Variants in KLHL7 observed in about 807,000 individuals in gnomAD.
The protein encoded by KLHL7 is kelch-like protein 7.
Under a neutral mutation model 67.4 loss-of-function variants are expected in KLHL7, and 44 were observed. That is an observed-to-expected ratio of 0.65 (90% CI 0.51 to 0.84). The LOEUF (loss-of-function observed/expected upper bound fraction) is 0.84. Ranked by LOEUF, KLHL7 falls within the 40% of genes least tolerant of loss-of-function variation. The probability of loss-of-function intolerance (pLI) is 0.00; values close to 1 mark genes in which losing one functional copy is unlikely to be tolerated. For synonymous variants in KLHL7, 252 were observed against 243.3 expected, an observed-to-expected ratio of 1.04 and a Z score of -0.33; for missense variants, 362 against 718.1, an observed-to-expected ratio of 0.50 and a Z score of 5.67.
chr7:23,118,125 C>T (rs770550201), intron 1 of KLHL7, among the ~76,000 whole-genome samples: 1 of 152,196 alleles, frequency 6.6e-6, no homozygotes, highest in Non-Finnish European at 1.5e-5. Flanking sequence ...GTAATCCTGT[C>T]GAGTAAACTT....
intron 1 of KLHL7, among the ~76,000 whole-genome samples, chr7:23,113,307 A>C (rs560909760): frequency 7.2e-5 from 11 of 152,340 alleles, no homozygotes; most frequent in African/African-American, 2.6e-4. Flanking sequence ...CTAGCCTTCA[A>C]AGCCCTGTCT....
intron 6 of KLHL7, among the ~76,000 whole-genome samples, chr7:23,147,591 G>T (rs368739534): frequency 3.3e-5 from 5 of 152,280 alleles, no homozygotes; most frequent in African/African-American, 9.6e-5. Flanking sequence ...AATTTTGAAT[G>T]GTATGCTTAT....
chr7:23,122,045 A>G (rs1039556254), intron 1 of KLHL7, among the ~76,000 whole-genome samples: 5 of 152,098 alleles, frequency 3.3e-5, no homozygotes, highest in African/African-American at 1.2e-4. Context: ...TACCATTTGG[A>G]TACAAAAGAC....
At chr7:23,154,371 C>CAAAA (rs1554291304) in intron 7 of KLHL7, among the ~76,000 whole-genome samples, 1 of 151,296 alleles carries the variant, frequency 6.6e-6, no homozygotes, top group African/African-American at 2.4e-5. Flanking sequence ...AACAAACAAA[C>CAAAA]AAAAAAAGAC....
chr7:23,125,640 A>G, intron 4 of KLHL7: 3 of 1,237,550 alleles, frequency 2.4e-6, no homozygotes, highest in Non-Finnish European at 3.2e-6. Context: ...GCCTCCCCAC[A>G]TTGTCAAAAT....
Position 23,172,819 on chromosome 7 carries a change from A to AT in KLHL7, c.1380-125dup, listed in dbSNP as rs1185056131. The AT allele has an allele frequency of 4.2e-6, 3 of 708,492 alleles. No individual in the cohort carries two copies. The South Asian group carries it at 4.7e-5, about 11-fold the overall frequency. 43.9% of individuals were successfully genotyped at this position (708,492 alleles called of 1,614,324 possible). ...ACTTTTGTTTTCTACCCTTCTAGACATTTTGTGCGTATATGTACACATATG... is the reference window on the plus strand; with the variant it reads ...ACTTTTGTTTTCTACCCTTCTAGACATTTTTGTGCGTATATGTACACATATG... On this transcript the variant is annotated intron_variant, in intron 9 of 10. Coordinates refer to ENST00000339077, the MANE Select transcript of KLHL7 (RefSeq NM_001031710.3).
chr7:23,142,001 C>G (rs764304679), intron 5 of KLHL7, among the ~76,000 whole-genome samples: 7 of 152,126 alleles, frequency 4.6e-5, no homozygotes, highest in Non-Finnish European at 7.3e-5. Context: ...TCACTGCAAC[C>G]TCCACCTCCC....
At chr7:23,147,234 C>T (rs1044400072) in intron 6 of KLHL7, among the ~76,000 whole-genome samples, 5 of 151,680 alleles carry the variant, frequency 3.3e-5, no homozygotes, top group African/African-American at 4.9e-5. Flanking sequence ...GGATTATGGG[C>T]GTGCGCCACC....
At chr7:23,125,791 C>A in intron 4 of KLHL7, 2 of 1,534,012 alleles carry the variant, frequency 1.3e-6, no homozygotes, top group South Asian at 1.3e-5. Context: ...CAGAGCCTTC[C>A]AGAGTGTGGT....
At chr7:23,160,825 C>T (rs988941364) in intron 7 of KLHL7, among the ~76,000 whole-genome samples, 5 of 152,186 alleles carry the variant, frequency 3.3e-5, no homozygotes, top group African/African-American at 1.2e-4. Flanking sequence ...ATGTATACAT[C>T]CTATGGAATT....
At chr7:23,126,508 A>G (rs1468310043) in intron 4 of KLHL7, among the ~76,000 whole-genome samples, 1 of 152,216 alleles carries the variant, frequency 6.6e-6, no homozygotes, top group Non-Finnish European at 1.5e-5. Context: ...CAAAGAATCC[A>G]GTCAGTGCTA....
chr7:23,111,081 T>G (rs1008203641), intron 1 of KLHL7, among the ~76,000 whole-genome samples: 2 of 152,110 alleles, frequency 1.3e-5, no homozygotes, highest in African/African-American at 4.8e-5. Flanking sequence ...ATCACACAAA[T>G]AAATGTAATA....
chr7:23,116,835 C>T (rs1783109330), intron 1 of KLHL7, among the ~76,000 whole-genome samples: 1 of 152,154 alleles, frequency 6.6e-6, no homozygotes, highest in African/African-American at 2.4e-5. Context: ...ATTCCACAAA[C>T]TTCTCAGTTC....
At chr7:23,155,645 CAA>C (rs1417548924) in intron 7 of KLHL7, among the ~76,000 whole-genome samples, 3 of 144,318 alleles carry the variant, frequency 2.1e-5, no homozygotes, top group Non-Finnish European at 4.5e-5. Context: ...GCCTGGGCAA[CAA>C]GAGAACAGCA....
In KLHL7 at chr7:23,105,842, G is replaced by T; in HGVS notation, c.-185G>T. The T allele has an allele frequency of 1.1e-6, 1 of 876,148 alleles. No homozygotes were observed. The highest frequency in any genetic ancestry group is 2.7e-5 in the East Asian group (1 of 36,564). 54.3% of individuals were successfully genotyped at this position (876,148 alleles called of 1,614,324 possible). The stretch of plus-strand genomic sequence containing the variant: ...GCGTCGCTCCCTGAGCGTTTCTAAG[G>T]GGGCCGCCCGGCCTTGTCTTTCGGC... On this transcript the variant is annotated 5_prime_UTR_variant, in exon 1 of 11. Transcript: ENST00000339077.
At chr7:23,145,496 A>G (rs1265847737) in intron 6 of KLHL7, among the ~76,000 whole-genome samples, 2 of 152,138 alleles carry the variant, frequency 1.3e-5, no homozygotes, top group African/African-American at 2.4e-5. Context: ...GTTTTATATC[A>G]TATGAGAGTG....
At chr7:23,127,934 A>G (rs1336652311) in intron 4 of KLHL7, among the ~76,000 whole-genome samples, 1 of 151,834 alleles carries the variant, frequency 6.6e-6, no homozygotes, top group Non-Finnish European at 1.5e-5. Context: ...GCCAAAATGA[A>G]TGGCTCCTGT....
intron 9 of KLHL7, chr7:23,171,173 G>T: frequency 2.8e-6 from 1 of 362,472 alleles, no homozygotes; most frequent in Non-Finnish European, 5.6e-6. Context: ...CCAAAGTGCT[G>T]GGATTACAGG....
chr7:23,110,103 A>G (rs934200387), intron 1 of KLHL7, among the ~76,000 whole-genome samples: 5 of 152,216 alleles, frequency 3.3e-5, no homozygotes, highest in Non-Finnish European at 5.9e-5. Context: ...AATTTCCACT[A>G]GACTATCAGT....
Sources: gnomAD v4.1 joint callset for allele counts (sites outside exome capture counted in the v4.1 genomes callset) on GRCh38, gnomAD v4.1.1 for gene constraint, MANE v1.5 for transcripts, NCBI Gene and HGNC (gene_info 2026-07-23, HGNC 2026-07-21) for gene names.